Variants in TPRG1 observed in about 807,000 individuals in gnomAD.
The protein encoded by TPRG1 is tumor protein p63-regulated gene 1 protein.
A neutral mutation model predicts 29.3 loss-of-function variants in TPRG1; 29 were observed. That is an observed-to-expected ratio of 0.99 (90% CI 0.74 to 1.35). The LOEUF is 1.35. TPRG1 is among the 40% of genes most tolerant of loss of function. The pLI, the probability that TPRG1 is intolerant of heterozygous loss-of-function variation, is 0.00. For synonymous variants in TPRG1, 130 were observed against 116.8 expected (o/e 1.11, Z -0.73); for missense variants, 327 against 335.0 (o/e 0.98, Z 0.19).
At chr3:189,046,820 T>C (rs980823102) in intron 4 of TPRG1, among the ~76,000 whole-genome samples, 1 of 152,208 alleles carries the variant, frequency 6.6e-6, no homozygotes, top group Non-Finnish European at 1.5e-5. Context: ...TAATGGCTAC[T>C]AGTCAGTTCT....
chr3:189,295,676 G>A (rs938268281), intron 4 of TPRG1, among the ~76,000 whole-genome samples: 7 of 151,958 alleles, frequency 4.6e-5, no homozygotes, highest in South Asian at 2.1e-4. Flanking sequence ...TTGTGTGTAC[G>A]TGCACATTTT....
At chr3:189,001,150 T>G (rs1711999506) in intron 2 of TPRG1, among the ~76,000 whole-genome samples, 1 of 152,194 alleles carries the variant, frequency 6.6e-6, no homozygotes, top group African/African-American at 2.4e-5. Flanking sequence ...GTTAACAACA[T>G]GAAACATCAA....
chr3:189,164,756 G>A (rs1727938416), intron 5 of TPRG1, among the ~76,000 whole-genome samples: 1 of 152,070 alleles, frequency 6.6e-6, no homozygotes, highest in African/African-American at 2.4e-5. Context: ...TGATATTTGG[G>A]AACAGCAGGT....
intron 4 of TPRG1, among the ~76,000 whole-genome samples, chr3:189,250,511 C>T (rs150667751): frequency 1.2e-5 from 1 of 86,606 alleles, no homozygotes; most frequent in South Asian, 6.2e-4. Flanking sequence ...TCCGCCCCCC[C>T]CCCCCCACCC....
intron 4 of TPRG1, among the ~76,000 whole-genome samples, chr3:189,283,748 C>T (rs893437346): frequency 1.3e-5 from 2 of 152,156 alleles, no homozygotes; most frequent in African/African-American, 4.8e-5. Flanking sequence ...TTACGATAAT[C>T]CGGAAGGTAA....
chr3:189,219,846 A>AT, intron 3 of TPRG1: 1 of 797,238 alleles, frequency 1.3e-6, no homozygotes, highest in Non-Finnish European at 1.5e-6. Context: ...TCATCTTTAT[A>AT]AAAGATACTT....
chr3:189,205,736 G>A (rs1231942243), intron 1 of TPRG1, among the ~76,000 whole-genome samples: 1 of 152,142 alleles, frequency 6.6e-6, no homozygotes, highest in Non-Finnish European at 1.5e-5. Context: ...GGATTTGAGT[G>A]CACAGGCTAA....
upstream of TPRG1, among the ~76,000 whole-genome samples, chr3:189,099,036 C>T (rs1718891245): frequency 6.6e-6 from 1 of 152,100 alleles, no homozygotes; most frequent in African/African-American, 2.4e-5. Flanking sequence ...TCCTCTGGTC[C>T]CAGCTTGTTG....
intron 4 of TPRG1, among the ~76,000 whole-genome samples, chr3:189,074,865 G>A (rs1304162469): frequency 4.0e-5 from 6 of 151,518 alleles, no homozygotes; most frequent in East Asian, 2.0e-4. Context: ...AGGCTGGAGT[G>A]CAGTGGCGCG....
rs142794230 is a variant in TPRG1 at position 189,174,167 on chromosome 3, C to T, written c.-10+2036C>T. Among the ~76,000 whole-genome samples the T allele has an allele frequency of 2.8e-4, 43 of 152,220 alleles. 1 individual carries two copies. In the East Asian group the frequency reaches 6.7e-3, roughly 24 times the overall value. On this transcript the variant is annotated intron_variant, in intron 1 of 5. Transcript: ENST00000345063. Reference sequence around the variant, plus strand: ...TTTAATCTAATGGCAGCGTCAAGTCCGAGAATTCATTTACTCCAGAGCTTG... The same window carrying T: ...TTTAATCTAATGGCAGCGTCAAGTCTGAGAATTCATTTACTCCAGAGCTTG...
At chr3:189,014,913 T>C (rs1310495066) in intron 3 of TPRG1, among the ~76,000 whole-genome samples, 1 of 152,130 alleles carries the variant, frequency 6.6e-6, no homozygotes, top group Non-Finnish European at 1.5e-5. Context: ...AGAAAATTGG[T>C]ACCAGGATAG....
chr3:189,058,998 C>G (rs1000149037), intron 4 of TPRG1, among the ~76,000 whole-genome samples: 2 of 152,144 alleles, frequency 1.3e-5, no homozygotes, highest in African/African-American at 2.4e-5. Context: ...CCTCTTAGCA[C>G]TAGCACTGAG....
rs1713018567 is a variant in TPRG1, at chr3:189,017,587, C to T, written c.-659-6163C>T. 3.3e-5 allele frequency among the ~76,000 whole-genome samples: 5 copies of T among 152,262 alleles called. 1 individual carries two copies. In the Middle Eastern group the frequency reaches 0.01, roughly 311 times the overall value. On this transcript the variant is annotated intron_variant, in intron 3 of 10. Transcript: ENST00000433971. ...TCATTTTTTATGGCTGCATAGTATT[C>T]CATGGTGTATATGTGCCACATTTTC...
intron 3 of TPRG1, among the ~76,000 whole-genome samples, chr3:189,005,717 C>A (rs181649748): frequency 6.6e-6 from 1 of 152,072 alleles, no homozygotes; most frequent in African/African-American, 2.4e-5. Context: ...TATATACCAT[C>A]TTTCTTGAAA....
At chr3:189,121,185 G>C (rs954224307) in intron 1 of TPRG1, 1 of 152,176 alleles carries the variant, frequency 6.6e-6, no homozygotes, top group Non-Finnish European at 1.5e-5. Flanking sequence ...GTAGATTTTA[G>C]TACCTGAAAA....
intron 5 of TPRG1, among the ~76,000 whole-genome samples, chr3:189,312,119 T>TTCTCTCTCTCTCTCTCTCTCTCTC (rs1722655272): frequency 2.3e-5 from 1 of 42,804 alleles, no homozygotes; most frequent in Non-Finnish European, 4.6e-5. Flanking sequence ...CTTTCTTTGT[T>TTCTCTCTCTCTCTCTCTCTCTCTC]TCTTTCTTTC....
At chr3:189,004,209 T>A (rs759664530) in intron 2 of TPRG1, among the ~76,000 whole-genome samples, 4 of 152,130 alleles carry the variant, frequency 2.6e-5, no homozygotes, top group Non-Finnish European at 5.9e-5. Context: ...CAAACCCCCA[T>A]GACACAATTT....
intron 3 of TPRG1, among the ~76,000 whole-genome samples, chr3:189,147,089 C>T (rs1373465258): frequency 1.3e-5 from 2 of 152,190 alleles, no homozygotes; most frequent in Non-Finnish European, 2.9e-5. Context: ...GGGAGTGACA[C>T]AGCTGGGATT....
chr3:189,212,149 G>A (rs1383400566), intron 2 of TPRG1: 2 of 152,070 alleles, frequency 1.3e-5, no homozygotes, highest in Non-Finnish European at 2.9e-5. Flanking sequence ...AAAGCGATTT[G>A]GGATGGGGAA....
Sources: gnomAD v4.1 joint callset for allele counts (sites outside exome capture counted in the v4.1 genomes callset) on GRCh38, gnomAD v4.1.1 for gene constraint, MANE v1.5 for transcripts, NCBI Gene and HGNC (gene_info 2026-07-23, HGNC 2026-07-21) for gene names.